ATG5: variants seen among roughly 807,000 people sequenced by gnomAD.
The protein encoded by ATG5 is autophagy related 5, also known as autophagy protein 5.
Under a neutral mutation model 36.5 loss-of-function variants are expected in ATG5, and 14 were observed. The ratio of observed to expected loss-of-function variants is 0.38; its 90% confidence interval spans 0.25 to 0.60. The LOEUF (loss-of-function observed/expected upper bound fraction) is 0.60. Among genes scored for constraint, ATG5 ranks in the 20% least tolerant of loss-of-function variants. The pLI, the probability that ATG5 is intolerant of heterozygous loss-of-function variation, is 0.60. For synonymous variants in ATG5, 95 were observed against 101.5 expected, an observed-to-expected ratio of 0.94 and a Z score of 0.38; for missense variants, 195 against 326.7, an observed-to-expected ratio of 0.60 and a Z score of 3.11.
intron 2 of ATG5, among the ~76,000 whole-genome samples, chr6:106,312,823 T>C (rs1582688379): frequency 1.3e-5 from 2 of 152,198 alleles, no homozygotes; most frequent in South Asian, 4.1e-4. Context: ...AAAAATACCA[T>C]TAGTGACTTT....
At chr6:106,206,369 T>C (rs1776634589) in intron 6 of ATG5, among the ~76,000 whole-genome samples, 1 of 152,102 alleles carries the variant, frequency 6.6e-6, no homozygotes, top group Non-Finnish European at 1.5e-5. Flanking sequence ...CCTCCAGAAC[T>C]GTGAGAAATA....
intron 6 of ATG5, among the ~76,000 whole-genome samples, chr6:106,218,303 T>A (rs965685707): frequency 6.6e-6 from 1 of 152,188 alleles, no homozygotes; most frequent in Non-Finnish European, 1.5e-5. Context: ...ACTTAAAATA[T>A]GGTGTTTTAT....
At chr6:106,313,302 G>A (rs534188808) in intron 2 of ATG5, among the ~76,000 whole-genome samples, 211 of 152,304 alleles carry the variant, frequency 1.4e-3, no homozygotes, top group African/African-American at 4.3e-3. Context: ...CATGAAAGAG[G>A]AAGTGAGGTC....
intron 4 of ATG5, among the ~76,000 whole-genome samples, chr6:106,288,805 T>C (rs1780186751): frequency 6.6e-6 from 1 of 152,212 alleles, no homozygotes; most frequent in South Asian, 2.1e-4. Context: ...AAAATGCATT[T>C]ATTATAAACA....
At chr6:106,309,393 T>C (rs944512048) in intron 2 of ATG5, among the ~76,000 whole-genome samples, 1 of 152,000 alleles carries the variant, frequency 6.6e-6, no homozygotes, top group African/African-American at 2.4e-5. Context: ...ACCAACTAGG[T>C]AGGAGAACGT....
chr6:106,315,827 G>A (rs1770825868), intron 2 of ATG5, among the ~76,000 whole-genome samples: 1 of 152,072 alleles, frequency 6.6e-6, no homozygotes, highest in Admixed American at 6.5e-5. Context: ...AGGCACCATA[G>A]CTGATGATTC....
At chr6:106,285,298 T>G (rs973403001) in intron 4 of ATG5, among the ~76,000 whole-genome samples, 9 of 152,234 alleles carry the variant, frequency 5.9e-5, no homozygotes, top group Non-Finnish European at 1.0e-4. Flanking sequence ...TTGCTTTAAT[T>G]CATTTTTCCG....
At chr6:106,191,421 G>C (rs1427172758) in intron 7 of ATG5, among the ~76,000 whole-genome samples, 1 of 152,110 alleles carries the variant, frequency 6.6e-6, no homozygotes, top group African/African-American at 2.4e-5. Flanking sequence ...GTCCAGAGTA[G>C]AGGATCACTA....
intron 3 of ATG5, among the ~76,000 whole-genome samples, chr6:106,298,571 T>C (rs998507882): frequency 1.3e-5 from 2 of 151,488 alleles, no homozygotes; most frequent in Non-Finnish European, 2.9e-5. Flanking sequence ...ATAAATAAAG[T>C]ATTAACATAA....
At chr6:106,210,345 G>GT (rs1776808114) in intron 6 of ATG5, among the ~76,000 whole-genome samples, 1 of 152,026 alleles carries the variant, frequency 6.6e-6, no homozygotes, top group Non-Finnish European at 1.5e-5. Context: ...CAGAGCAAAG[G>GT]TAATTATTAC....
At chr6:106,321,559 C>G (rs1479189108) in intron 1 of ATG5, among the ~76,000 whole-genome samples, 3 of 152,150 alleles carry the variant, frequency 2.0e-5, no homozygotes, top group Non-Finnish European at 4.4e-5. Flanking sequence ...GGGATTTCAC[C>G]GTGTTAGCCA....
chr6:106,260,513 A>C (rs1778977663), intron 5 of ATG5, among the ~76,000 whole-genome samples: 1 of 152,204 alleles, frequency 6.6e-6, no homozygotes, highest in South Asian at 2.1e-4. Context: ...TTTGAAGACG[A>C]TAATCAGGAC....
intron 1 of ATG5, among the ~76,000 whole-genome samples, chr6:106,322,974 C>T (rs1235634968): frequency 6.6e-6 from 1 of 151,596 alleles, no homozygotes; most frequent in African/African-American, 2.4e-5. Flanking sequence ...GGCTGGAGTG[C>T]AGTGGCGCAA....
chr6:106,245,645 T>C (rs1023174026), intron 6 of ATG5, among the ~76,000 whole-genome samples: 2 of 152,180 alleles, frequency 1.3e-5, no homozygotes, highest in Admixed American at 1.3e-4. Context: ...TCTCCGGTTA[T>C]GCAGAAATTC....
At chr6:106,232,059 C>G (rs1215496145) in intron 6 of ATG5, among the ~76,000 whole-genome samples, 1 of 152,178 alleles carries the variant, frequency 6.6e-6, no homozygotes, top group African/African-American at 2.4e-5. Context: ...CCCCAGGGGA[C>G]GTAGGTCCTC....
intron 6 of ATG5, among the ~76,000 whole-genome samples, chr6:106,237,245 A>G (rs1169731844): frequency 6.6e-6 from 1 of 152,236 alleles, no homozygotes; most frequent in Non-Finnish European, 1.5e-5. Flanking sequence ...AATAAGAGGA[A>G]AGAAAGTTGG....
At chr6:106,309,113 G>A (rs757435842) in intron 2 of ATG5, among the ~76,000 whole-genome samples, 40 of 152,116 alleles carry the variant, frequency 2.6e-4, no homozygotes, top group Non-Finnish European at 4.6e-4. Context: ...GAAGGAGCTT[G>A]GCAAAAATTT....
chr6:106,198,101 C>T (rs1055469746), intron 7 of ATG5, among the ~76,000 whole-genome samples: 39 of 149,330 alleles, frequency 2.6e-4, no homozygotes, highest in African/African-American at 9.7e-4. Flanking sequence ...AAACAAACAC[C>T]CTTATAACAG....
chr6:106,319,815 A>AATTC (rs1770995527), intron 1 of ATG5, among the ~76,000 whole-genome samples: 1 of 152,200 alleles, frequency 6.6e-6, no homozygotes, highest in South Asian at 2.1e-4. Flanking sequence ...TGGTATCTGG[A>AATTC]ATTCAGTAGG....
Sources: allele counts gnomAD v4.1 joint callset (sites outside exome capture counted in the v4.1 genomes callset), GRCh38; gene constraint gnomAD v4.1.1; transcripts MANE v1.5; gene names NCBI Gene and HGNC (gene_info 2026-07-23, HGNC 2026-07-21).